THSD7B: variants seen among roughly 807,000 people sequenced by gnomAD.
THSD7B encodes thrombospondin type-1 domain-containing protein 7B.
A neutral mutation model predicts 213.6 loss-of-function variants in THSD7B; 138 were observed. The observed-to-expected ratio is 0.65, with a 90% CI of 0.56 to 0.74. The LOEUF is 0.74. THSD7B is among the 30% of genes least tolerant of loss of function. The pLI, the probability that THSD7B is intolerant of heterozygous loss-of-function variation, is 0.00. For synonymous variants in THSD7B, 742 were observed against 687.0 expected (o/e 1.08, Z -1.25); for missense variants, 1,931 against 1,991.5 (o/e 0.97, Z 0.58).
intron 21 of THSD7B, among the ~76,000 whole-genome samples, chr2:137,649,371 T>C (rs1683097953): frequency 6.6e-6 from 1 of 152,204 alleles, no homozygotes; most frequent in Non-Finnish European, 1.5e-5. Context: ...CTGGAGCATA[T>C]TCCCAAAGTT....
intron 12 of THSD7B, among the ~76,000 whole-genome samples, chr2:137,404,447 A>G (rs1410633479): frequency 1.1e-5 from 1 of 94,692 alleles, no homozygotes; most frequent in African/African-American, 4.5e-5. Flanking sequence ...ATATATATAT[A>G]TATATATATA....
intron 2 of THSD7B, among the ~76,000 whole-genome samples, chr2:136,955,102 G>A (rs1408762962): frequency 6.6e-6 from 1 of 152,186 alleles, no homozygotes; most frequent in Non-Finnish European, 1.5e-5. Flanking sequence ...GACCAGTTAT[G>A]CTAACAATGC....
intron 1 of THSD7B, among the ~76,000 whole-genome samples, chr2:136,769,043 G>T (rs923807544): frequency 1.3e-5 from 2 of 152,132 alleles, no homozygotes; most frequent in African/African-American, 4.8e-5. Context: ...AGGCACCTGT[G>T]CTCCAAGATG....
chr2:137,228,751 T>C (rs907404343), intron 7 of THSD7B, among the ~76,000 whole-genome samples: 16 of 152,238 alleles, frequency 1.1e-4, no homozygotes, highest in Non-Finnish European at 7.3e-5. Context: ...AATCACGCAG[T>C]TGCAACTTGA....
intron 1 of THSD7B, among the ~76,000 whole-genome samples, chr2:136,808,142 C>A (rs1164347981): frequency 1.3e-5 from 2 of 152,348 alleles, no homozygotes; most frequent in East Asian, 3.9e-4. Context: ...TTGTTCAATC[C>A]AAATACTCAA....
At position 137,242,439 on chromosome 2, in the gene THSD7B, G is replaced by A. The variant is rs751922111; in HGVS notation, c.2151-18G>A. On this transcript the variant is annotated intron_variant, in intron 9 of 27. Transcript: ENST00000409968. ...AGTCTCTCAAAAAGGCATTGACATG[G>A]TCTTTTCACATTGACAGATGTCCAG... 6 of 1,595,290 alleles carry A rather than the reference G, an allele frequency of 3.8e-6. No homozygotes were observed. In the Admixed American group the frequency reaches 8.3e-5, roughly 22 times the overall value.
intron 2 of THSD7B, among the ~76,000 whole-genome samples, chr2:136,949,947 C>T (rs562266907): frequency 6.6e-6 from 1 of 152,248 alleles, no homozygotes; most frequent in African/African-American, 2.4e-5. Flanking sequence ...AAATGCCCAT[C>T]AATGATAGAC....
At chr2:136,826,289 T>C (rs1371985302) in intron 1 of THSD7B, among the ~76,000 whole-genome samples, 1 of 152,216 alleles carries the variant, frequency 6.6e-6, no homozygotes, top group Non-Finnish European at 1.5e-5. Context: ...TTTATTATCA[T>C]TTGCAGTTTT....
intron 2 of THSD7B, among the ~76,000 whole-genome samples, chr2:137,002,946 G>A (rs553272395): frequency 6.6e-6 from 1 of 152,152 alleles, no homozygotes; most frequent in South Asian, 2.1e-4. Flanking sequence ...ATACCAGGAG[G>A]GTCAATGATT....
intron 7 of THSD7B, among the ~76,000 whole-genome samples, chr2:137,208,133 T>C (rs557856614): frequency 4.9e-4 from 75 of 152,226 alleles, no homozygotes; most frequent in Non-Finnish European, 9.6e-4. Context: ...CCAGAACTTA[T>C]ATACCTTCTA....
At chr2:137,505,449 T>C (rs1456795593) in intron 15 of THSD7B, among the ~76,000 whole-genome samples, 1 of 152,124 alleles carries the variant, frequency 6.6e-6, no homozygotes, top group African/African-American at 2.4e-5. Context: ...TCCACATTTG[T>C]GGATTCATTG....
intron 15 of THSD7B, among the ~76,000 whole-genome samples, chr2:137,476,201 A>G (rs1276662605): frequency 3.9e-5 from 6 of 152,020 alleles, no homozygotes; most frequent in Admixed American, 3.9e-4. Context: ...TTCCTTGTAT[A>G]TACTGGATAT....
At chr2:136,964,729 G>A (rs114786542) in intron 2 of THSD7B, among the ~76,000 whole-genome samples, 4 of 152,024 alleles carry the variant, frequency 2.6e-5, no homozygotes, top group Admixed American at 6.6e-5. Flanking sequence ...TTAGCTGGGC[G>A]TGGTGGCTCA....
intron 2 of THSD7B, among the ~76,000 whole-genome samples, chr2:136,890,070 G>C (rs1290370326): frequency 6.6e-6 from 1 of 152,006 alleles, no homozygotes; most frequent in Non-Finnish European, 1.5e-5. Flanking sequence ...TTGCCCTATT[G>C]TATTATAGTC....
At chr2:136,975,624 C>T (rs1685468480) in intron 2 of THSD7B, among the ~76,000 whole-genome samples, 1 of 152,076 alleles carries the variant, frequency 6.6e-6, no homozygotes, top group South Asian at 2.1e-4. Flanking sequence ...TAGTTTGATG[C>T]CTCTGGCTTT....
At chr2:137,069,743 TA>T (rs1461260025) in intron 3 of THSD7B, among the ~76,000 whole-genome samples, 2 of 151,886 alleles carry the variant, frequency 1.3e-5, no homozygotes, top group African/African-American at 2.4e-5. Context: ...TAAACATAAA[TA>T]AAAATAAGTC....
intron 3 of THSD7B, among the ~76,000 whole-genome samples, chr2:137,073,658 T>A (rs1687551729): frequency 6.6e-6 from 1 of 152,180 alleles, no homozygotes; most frequent in African/African-American, 2.4e-5. Context: ...GCTTCTCTAG[T>A]TCTTTTAATT....
intron 7 of THSD7B, among the ~76,000 whole-genome samples, chr2:137,173,473 A>T (rs1179694930): frequency 6.6e-6 from 1 of 152,186 alleles, no homozygotes. Flanking sequence ...TACAATCATC[A>T]GCTTTACTGT....
intron 2 of THSD7B, among the ~76,000 whole-genome samples, chr2:136,996,325 CTT>C (rs1685888295): frequency 1.3e-5 from 2 of 151,980 alleles, no homozygotes; most frequent in South Asian, 2.1e-4. Context: ...TTCTTTCTTT[CTT>C]TTTCTTTTTT....
Sources: allele counts gnomAD v4.1 joint callset (sites outside exome capture counted in the v4.1 genomes callset), GRCh38; gene constraint gnomAD v4.1.1; transcripts MANE v1.5; gene names NCBI Gene and HGNC (gene_info 2026-07-23, HGNC 2026-07-21).